TAFA1: variants seen among roughly 807,000 people sequenced by gnomAD.
The protein encoded by TAFA1 is chemokine-like protein TAFA-1.
In TAFA1, 4 loss-of-function variants were observed where a neutral mutation model predicts 18.5. That is an observed-to-expected ratio of 0.22 (90% CI 0.11 to 0.49). The LOEUF is 0.49. Ranked by LOEUF, TAFA1 falls within the 20% of genes least tolerant of loss-of-function variation. TAFA1 has a pLI of 0.98. For missense variants in TAFA1, 147 were observed against 169.0 expected (o/e 0.87, Z 0.72); for synonymous variants, 56 against 55.2 (o/e 1.01, Z -0.06).
At chr3:68,416,153 C>G (rs1163838530) in intron 2 of TAFA1, among the ~76,000 whole-genome samples, 2 of 152,116 alleles carry the variant, frequency 1.3e-5, no homozygotes, top group Non-Finnish European at 2.9e-5. Flanking sequence ...CACACCCCAC[C>G]ACCACTGCAC....
chr3:68,410,006 G>C (rs904850788), intron 2 of TAFA1, among the ~76,000 whole-genome samples: 1 of 152,146 alleles, frequency 6.6e-6, no homozygotes, highest in Non-Finnish European at 1.5e-5. Flanking sequence ...CACTTGTACA[G>C]CTCAAGACAG....
rs57372768 is a variant in TAFA1, at chr3:68,521,856, G to GTTTTTTTTTTTTTTTTTT, written c.260-16897_260-16880dup. Among the ~76,000 whole-genome samples, 468 of 70,830 alleles carry GTTTTTTTTTTTTTTTTTT rather than the reference G, an allele frequency of 6.6e-3. 49 individuals carry two copies. The highest frequency in any genetic ancestry group is 0.062 in the Middle Eastern group (4 of 64). 46.5% of individuals were successfully genotyped at this position (70,830 alleles called of 152,430 possible). ...TCTGGGTTTTTCTGTGTTTTTTTCTGTTTTTTTTTTTTTTTTTTTTGGAGA... is the reference window on the plus strand; with the variant it reads ...TCTGGGTTTTTCTGTGTTTTTTTCTGTTTTTTTTTTTTTTTTTTTTTTTTTTTTTTTTTTTTTTGGAGA... On this transcript the variant is annotated intron_variant, in intron 3 of 4. Transcript: ENST00000478136.
At chr3:68,325,039 TA>T (rs1234747485) in intron 2 of TAFA1, among the ~76,000 whole-genome samples, 6 of 152,198 alleles carry the variant, frequency 3.9e-5, no homozygotes, top group African/African-American at 1.4e-4. Context: ...CATCATGGTC[TA>T]CTGCCAGATC....
At chr3:68,287,914 T>TGGGGGGGGG (rs71112629) in intron 2 of TAFA1, among the ~76,000 whole-genome samples, 1 of 53,288 alleles carries the variant, frequency 1.9e-5, no homozygotes, top group South Asian at 9.7e-4. Context: ...TGTTGGGGGG[T>TGGGGGGGGG]GGGGGGGCTT....
At chr3:68,419,730 C>T (rs1030148501) in intron 3 of TAFA1, among the ~76,000 whole-genome samples, 1 of 152,002 alleles carries the variant, frequency 6.6e-6, no homozygotes, top group Non-Finnish European at 1.5e-5. Context: ...ACCTCTAGAT[C>T]GATTCATGTT....
intron 2 of TAFA1, among the ~76,000 whole-genome samples, chr3:68,168,709 G>T (rs1288657064): frequency 6.6e-6 from 1 of 152,018 alleles, no homozygotes; most frequent in Non-Finnish European, 1.5e-5. Context: ...CTACACAAGG[G>T]GTCTAAATTT....
At chr3:68,013,603 A>G (rs541180321) in intron 2 of TAFA1, among the ~76,000 whole-genome samples, 1 of 152,266 alleles carries the variant, frequency 6.6e-6, no homozygotes, top group African/African-American at 2.4e-5. Context: ...AAATCTTTTG[A>G]TATCAAGAGA....
chr3:68,165,560 A>G (rs1199356532), intron 2 of TAFA1, among the ~76,000 whole-genome samples: 1 of 152,248 alleles, frequency 6.6e-6, no homozygotes, highest in East Asian at 1.9e-4. Context: ...TAAAAGGCAA[A>G]GAAGGTATGG....
At chr3:68,258,714 T>G (rs1338749766) in intron 2 of TAFA1, among the ~76,000 whole-genome samples, 1 of 152,186 alleles carries the variant, frequency 6.6e-6, no homozygotes, top group African/African-American at 2.4e-5. Flanking sequence ...ATTGGAAATC[T>G]TCTAGTCCAA....
chr3:68,462,007 T>A (rs2071791779), intron 3 of TAFA1, among the ~76,000 whole-genome samples: 1 of 152,050 alleles, frequency 6.6e-6, no homozygotes, highest in Admixed American at 6.6e-5. Flanking sequence ...GAGGCATTGA[T>A]AAAAACAGAA....
intron 2 of TAFA1, among the ~76,000 whole-genome samples, chr3:68,308,585 C>T (rs1374925973): frequency 6.6e-6 from 1 of 152,132 alleles, no homozygotes; most frequent in Admixed American, 6.6e-5. Context: ...CTACTTTGTT[C>T]ATGTAAAACT....
At chr3:68,096,143 AT>A (rs1249740998) in intron 2 of TAFA1, among the ~76,000 whole-genome samples, 1 of 151,984 alleles carries the variant, frequency 6.6e-6, no homozygotes, top group Non-Finnish European at 1.5e-5. Context: ...TTGAGATTAA[AT>A]TTTTTAGCTC....
chr3:68,067,939 C>CA (rs1182079470), intron 2 of TAFA1, among the ~76,000 whole-genome samples: 1 of 151,426 alleles, frequency 6.6e-6, no homozygotes, highest in Non-Finnish European at 1.5e-5. Flanking sequence ...AAATGCTTTA[C>CA]AAAAAAACAA....
chr3:68,338,972 G>T (rs183975699), intron 2 of TAFA1, among the ~76,000 whole-genome samples: 1 of 152,130 alleles, frequency 6.6e-6, no homozygotes, highest in Admixed American at 6.5e-5. Context: ...GGGCATAGTC[G>T]TCTCATGGTC....
rs146266588 is a variant in TAFA1, at chr3:68,437,972, C to T, written c.259+20552C>T. ...CACACGGTGGGAGAGACATAGGGTA[C>T]ACATTCCCATTCCAAAATGGAGAAA... On this transcript the variant is annotated intron_variant, in intron 3 of 4. Coordinates refer to ENST00000478136, the MANE Select transcript of TAFA1 (RefSeq NM_213609.4). Among the ~76,000 whole-genome samples the T allele has an allele frequency of 3.7e-3, 568 of 152,196 alleles. 2 individuals carry two copies. The highest frequency in any genetic ancestry group is 6.7e-3 in the Admixed American group (103 of 15,276).
chr3:68,162,615 A>G (rs887255576), intron 2 of TAFA1, among the ~76,000 whole-genome samples: 2 of 152,096 alleles, frequency 1.3e-5, no homozygotes, highest in African/African-American at 4.8e-5. Context: ...TCCTTCCCCT[A>G]TGGCTCAATA....
intron 3 of TAFA1, among the ~76,000 whole-genome samples, chr3:68,422,294 G>A (rs994952976): frequency 6.6e-6 from 1 of 152,026 alleles, no homozygotes; most frequent in Admixed American, 6.6e-5. Flanking sequence ...CCACTTTATG[G>A]CATTTACAGA....
chr3:68,330,393 C>A (rs1040359125), intron 2 of TAFA1, among the ~76,000 whole-genome samples: 1 of 152,196 alleles, frequency 6.6e-6, no homozygotes, highest in Non-Finnish European at 1.5e-5. Flanking sequence ...AAATGGATTA[C>A]TTACTGTGTG....
chr3:68,166,786 T>C (rs1397080466), intron 2 of TAFA1, among the ~76,000 whole-genome samples: 2 of 152,066 alleles, frequency 1.3e-5, no homozygotes, highest in South Asian at 2.1e-4. Flanking sequence ...GGCAGAACTC[T>C]CAGGAAGAGG....
Sources: allele counts gnomAD v4.1 joint callset (sites outside exome capture counted in the v4.1 genomes callset), GRCh38; gene constraint gnomAD v4.1.1; transcripts MANE v1.5; gene names NCBI Gene and HGNC (gene_info 2026-07-23, HGNC 2026-07-21).